Variants in RUNDC3B observed in about 807,000 individuals in gnomAD.
The protein encoded by RUNDC3B is RUN domain containing 3B.
In RUNDC3B, 33 loss-of-function variants were observed where a neutral mutation model predicts 58.4. The observed-to-expected ratio is 0.56, with a 90% CI of 0.43 to 0.75. The LOEUF is 0.75. RUNDC3B is among the 30% of genes least tolerant of loss of function. The pLI is 0.00. For missense variants in RUNDC3B, 501 were observed against 535.7 expected (o/e 0.94, Z 0.64); for synonymous variants, 193 against 195.2 (o/e 0.99, Z 0.10).
At chr7:87,629,715 C>G (rs1297869109) in intron 1 of RUNDC3B, among the ~76,000 whole-genome samples, 1 of 151,714 alleles carries the variant, frequency 6.6e-6, no homozygotes, top group African/African-American at 2.4e-5. Flanking sequence ...ATCACGAGGT[C>G]GGAGTTCGAG....
intron 2 of RUNDC3B, among the ~76,000 whole-genome samples, chr7:87,654,150 A>G (rs181987240): frequency 5.3e-5 from 8 of 152,130 alleles, no homozygotes; most frequent in Admixed American, 5.2e-4. Flanking sequence ...GTTTATATTA[A>G]CAATCTACCC....
chr7:87,816,080 A>G, intron 9 of RUNDC3B, 61 bp from the exon 10 acceptor site: 1 of 1,180,538 alleles, frequency 8.5e-7, no homozygotes, highest in Non-Finnish European at 1.2e-6. Context: ...TTAAATAACC[A>G]CTCAAGAAAT....
intron 10 of RUNDC3B, among the ~76,000 whole-genome samples, chr7:87,825,237 A>C (rs749160716): frequency 3.3e-5 from 5 of 152,094 alleles, no homozygotes; most frequent in Non-Finnish European, 7.4e-5. Context: ...AGAAAGAAAA[A>C]GAAAATACCA....
chr7:87,723,103 C>T (rs1345437629), intron 4 of RUNDC3B, among the ~76,000 whole-genome samples: 7 of 151,804 alleles, frequency 4.6e-5, no homozygotes, highest in African/African-American at 7.3e-5. Context: ...AAATATGAAA[C>T]ATAAAAGTAG....
intron 2 of RUNDC3B, among the ~76,000 whole-genome samples, chr7:87,651,180 A>G (rs1823534406): frequency 6.6e-6 from 1 of 152,194 alleles, no homozygotes; most frequent in Non-Finnish European, 1.5e-5. Flanking sequence ...TTCCATAAGT[A>G]ATTAAAATAA....
intron 8 of RUNDC3B, among the ~76,000 whole-genome samples, chr7:87,799,756 G>A (rs544211384): frequency 3.2e-4 from 48 of 152,054 alleles, no homozygotes; most frequent in African/African-American, 9.2e-4. Context: ...GCATGGTGGC[G>A]TGTGCCTGTA....
chr7:87,705,042 C>G (rs940597895), intron 3 of RUNDC3B, among the ~76,000 whole-genome samples: 2 of 152,198 alleles, frequency 1.3e-5, no homozygotes, highest in African/African-American at 4.8e-5. Context: ...ACTTGTATCA[C>G]AATTATATCA....
At chr7:87,789,407 G>A (rs1563210924) in intron 8 of RUNDC3B, among the ~76,000 whole-genome samples, 1 of 152,042 alleles carries the variant, frequency 6.6e-6, no homozygotes, top group East Asian at 1.9e-4. Flanking sequence ...TTCGTAGTGA[G>A]TACTGATGGC....
chr7:87,704,585 T>C (rs1033247304), intron 3 of RUNDC3B, among the ~76,000 whole-genome samples: 1 of 152,238 alleles, frequency 6.6e-6, no homozygotes, highest in African/African-American at 2.4e-5. Flanking sequence ...AACTAATCCC[T>C]GCACAGCAAT....
At chr7:87,642,149 A>G (rs1822522589) in intron 1 of RUNDC3B, among the ~76,000 whole-genome samples, 1 of 152,076 alleles carries the variant, frequency 6.6e-6, no homozygotes, top group South Asian at 2.1e-4. Flanking sequence ...TAACATTGCC[A>G]GAATTCAAAC....
intron 6 of RUNDC3B, among the ~76,000 whole-genome samples, chr7:87,745,462 A>AT (rs1832594139): frequency 6.6e-6 from 1 of 151,804 alleles, no homozygotes; most frequent in Non-Finnish European, 1.5e-5. Context: ...TTTGTTGGTA[A>AT]TTTTTTAATT....
At chr7:87,763,413 T>C (rs1833805796) in intron 6 of RUNDC3B, among the ~76,000 whole-genome samples, 1 of 151,652 alleles carries the variant, frequency 6.6e-6, no homozygotes, top group Non-Finnish European at 1.5e-5. Flanking sequence ...CTTTTTCTTA[T>C]ATTATAACCA....
At chr7:87,680,940 GATGAT>G (rs1374118104) in intron 2 of RUNDC3B, among the ~76,000 whole-genome samples, 1 of 150,566 alleles carries the variant, frequency 6.6e-6, no homozygotes, top group Non-Finnish European at 1.5e-5. Flanking sequence ...GATATGAAAG[GATGAT>G]TGCTTGAAAT....
At chr7:87,744,592 A>G (rs1832536466) in intron 6 of RUNDC3B, among the ~76,000 whole-genome samples, 1 of 152,112 alleles carries the variant, frequency 6.6e-6, no homozygotes, top group African/African-American at 2.4e-5. Flanking sequence ...TGTAAAAGGG[A>G]TTGAGTTCTT....
intron 6 of RUNDC3B, among the ~76,000 whole-genome samples, chr7:87,751,397 T>A (rs1010077998): frequency 1.3e-5 from 2 of 152,174 alleles, no homozygotes; most frequent in African/African-American, 4.8e-5. Flanking sequence ...TTTAAAGTAG[T>A]TTTTTCCAAT....
At chr7:87,709,433 T>G in intron 3 of RUNDC3B, 1 of 985,364 alleles carries the variant, frequency 1.0e-6, no homozygotes, top group Non-Finnish European at 1.2e-6. Context: ...TACAGCTAAC[T>G]GCAGGTTCCC....
intron 8 of RUNDC3B, among the ~76,000 whole-genome samples, chr7:87,795,720 A>T (rs1156612379): frequency 7.0e-6 from 1 of 143,486 alleles, no homozygotes; most frequent in Non-Finnish European, 1.5e-5. Context: ...TCTACTAAAA[A>T]TACAAAAAAA....
At chr7:87,801,024 A>C (rs950559899) in intron 8 of RUNDC3B, among the ~76,000 whole-genome samples, 11 of 152,202 alleles carry the variant, frequency 7.2e-5, no homozygotes, top group Admixed American at 5.2e-4. Context: ...GCATGATACA[A>C]AATTTTGAGT....
intron 4 of RUNDC3B, among the ~76,000 whole-genome samples, chr7:87,714,889 C>A (rs185287707): frequency 6.6e-6 from 1 of 152,080 alleles, no homozygotes; most frequent in Non-Finnish European, 1.5e-5. Flanking sequence ...CCTGACCGCA[C>A]GTCCATTCAT....
Sources: allele counts gnomAD v4.1 joint callset (sites outside exome capture counted in the v4.1 genomes callset), GRCh38; gene constraint gnomAD v4.1.1; transcripts MANE v1.5; gene names NCBI Gene and HGNC (gene_info 2026-07-23, HGNC 2026-07-21).